MAP4K4: variants seen among roughly 807,000 people sequenced by gnomAD.
MAP4K4 encodes the protein mitogen-activated protein kinase kinase kinase kinase 4.
A neutral mutation model predicts 189.6 loss-of-function variants in MAP4K4; 38 were observed. The ratio of observed to expected loss-of-function variants is 0.20; its 90% CI spans 0.15 to 0.26. The LOEUF (loss-of-function observed/expected upper bound fraction) is 0.26. Among genes scored for constraint, MAP4K4 ranks in the 10% least tolerant of loss-of-function variants. The pLI, the probability that MAP4K4 is intolerant of heterozygous loss-of-function variation, is 1.00. For synonymous variants in MAP4K4, 610 were observed against 624.3 expected, an observed-to-expected ratio of 0.98 and a Z score of 0.34; for missense variants, 1,054 against 1,726.9, an observed-to-expected ratio of 0.61 and a Z score of 6.91.
At chr2:101,730,048 G>A (rs1472273007) in intron 2 of MAP4K4, among the ~76,000 whole-genome samples, 1 of 152,212 alleles carries the variant, frequency 6.6e-6, no homozygotes, top group Non-Finnish European at 1.5e-5. Flanking sequence ...GGCAGCTAGA[G>A]TTAGTCCAGG....
intron 3 of MAP4K4, chr2:101,797,375 G>A (rs1366428562): frequency 2.0e-5 from 26 of 1,290,596 alleles, no homozygotes; most frequent in Non-Finnish European, 2.6e-5. Flanking sequence ...ATCATTCAAC[G>A]TTGTCAGGGT....
intron 12 of MAP4K4, among the ~76,000 whole-genome samples, chr2:101,845,925 C>G (rs2097095728): frequency 6.6e-6 from 1 of 152,166 alleles, no homozygotes; most frequent in Non-Finnish European, 1.5e-5. Context: ...TATTAAGTAG[C>G]AACACATGCT....
intron 2 of MAP4K4, 53 bp downstream of exon 2, chr2:101,698,591 G>C (rs537776902): frequency 2.5e-5 from 39 of 1,551,450 alleles, no homozygotes; most frequent in Admixed American, 5.0e-5. Context: ...CTTCTTATTG[G>C]GGGACGAGGA....
At chr2:101,870,961 T>C (rs1363034983) in intron 23 of MAP4K4, among the ~76,000 whole-genome samples, 2 of 152,252 alleles carry the variant, frequency 1.3e-5, no homozygotes, top group African/African-American at 2.4e-5. Flanking sequence ...CACCCAGATA[T>C]GCTCAGTTTG....
intron 32 of MAP4K4, among the ~76,000 whole-genome samples, chr2:101,889,352 G>T (rs1162320399): frequency 6.6e-6 from 1 of 152,138 alleles, no homozygotes; most frequent in Non-Finnish European, 1.5e-5. Context: ...GTTAGTCTGT[G>T]AGTGGTGAAA....
intron 2 of MAP4K4, among the ~76,000 whole-genome samples, chr2:101,730,769 C>G (rs1207044558): frequency 1.3e-5 from 2 of 152,012 alleles, no homozygotes; most frequent in Admixed American, 1.3e-4. Flanking sequence ...GAATAGTGGC[C>G]GGGTGTGGTG....
chr2:101,721,961 T>A (rs2052414780), intron 2 of MAP4K4, among the ~76,000 whole-genome samples: 1 of 152,186 alleles, frequency 6.6e-6, no homozygotes, highest in East Asian at 1.9e-4. Flanking sequence ...TTTGGCTAGT[T>A]GTATTCCCTA....
intron 12 of MAP4K4, among the ~76,000 whole-genome samples, chr2:101,847,714 T>G (rs1392152134): frequency 6.6e-6 from 1 of 152,194 alleles, no homozygotes; most frequent in Non-Finnish European, 1.5e-5. Context: ...AAAAATTACA[T>G]TAAGATTAAT....
At chr2:101,745,971 T>TG (rs2065310770) in intron 2 of MAP4K4, among the ~76,000 whole-genome samples, 6 of 93,870 alleles carry the variant, frequency 6.4e-5, no homozygotes, top group African/African-American at 2.1e-4. Context: ...TCCTGTTTCC[T>TG]TTGTGTGTGT....
intron 21 of MAP4K4, 103 bp downstream of exon 21, chr2:101,868,140 T>C: frequency 7.9e-7 from 1 of 1,263,012 alleles, no homozygotes; most frequent in Non-Finnish European, 1.1e-6. Flanking sequence ...TCAACTTGAC[T>C]TCTTGTTCTT....
chr2:101,844,491 C>A (rs1050071633), intron 12 of MAP4K4, among the ~76,000 whole-genome samples, 180 bp downstream of exon 12: 1 of 152,208 alleles, frequency 6.6e-6, no homozygotes, highest in Admixed American at 6.5e-5. Flanking sequence ...CCTTCACATT[C>A]CTTGAGGCCT....
intron 8 of MAP4K4, among the ~76,000 whole-genome samples, 160 bp downstream of exon 8, chr2:101,834,623 A>T (rs2149463810): frequency 6.6e-6 from 1 of 152,350 alleles, no homozygotes; most frequent in Middle Eastern, 3.4e-3. Context: ...ATGTAGAAGG[A>T]ATTCTTGGCA....
chr2:101,873,500 G>A (rs1018843151), intron 24 of MAP4K4, 147 bp from the exon 25 acceptor site: 12 of 548,778 alleles, frequency 2.2e-5, no homozygotes, highest in Middle Eastern at 5.2e-4. Flanking sequence ...GAAGCTCCCC[G>A]CAGAGCATTT....
At chr2:101,814,869 A>G (rs1168493623) in intron 3 of MAP4K4, among the ~76,000 whole-genome samples, 2 of 152,232 alleles carry the variant, frequency 1.3e-5, no homozygotes, top group Non-Finnish European at 2.9e-5. Context: ...GACAGGAAGA[A>G]TGAGGGAAAA....
At chr2:101,873,788 GC>G in intron 25 of MAP4K4, 24 bp downstream of exon 25, 1 of 1,502,384 alleles carries the variant, frequency 6.7e-7, no homozygotes, top group Non-Finnish European at 9.2e-7. Flanking sequence ...CAACAAGAAA[GC>G]AGCTGACAAA....
chr2:101,744,434 C>T (rs191213999), intron 2 of MAP4K4, among the ~76,000 whole-genome samples: 4 of 152,246 alleles, frequency 2.6e-5, no homozygotes, highest in Non-Finnish European at 5.9e-5. Context: ...TCTCGAAGTC[C>T]GACAGAGCAG....
chr2:101,758,807 A>ACAT (rs2074239135), intron 2 of MAP4K4, among the ~76,000 whole-genome samples: 1 of 152,198 alleles, frequency 6.6e-6, no homozygotes, highest in Non-Finnish European at 1.5e-5. Flanking sequence ...AGTTAAAATG[A>ACAT]AAGTGATCTC....
chr2:101,808,344 T>C (rs2149099915), intron 3 of MAP4K4, among the ~76,000 whole-genome samples: 2 of 152,322 alleles, frequency 1.3e-5, no homozygotes, highest in South Asian at 4.1e-4. Flanking sequence ...TGTGGGCAGC[T>C]CCTGGCTCTT....
intron 2 of MAP4K4, among the ~76,000 whole-genome samples, chr2:101,745,972 TTGTGTGTGTGTGTGTGTGTGTG>T (rs5832985): frequency 6.8e-6 from 1 of 146,496 alleles, no homozygotes; most frequent in Non-Finnish European, 1.5e-5. Context: ...CCTGTTTCCT[TTGTGTGTGTGTGTGTGTGTGTG>T]TGTGTGTGTG....
Sources: gnomAD v4.1 joint callset for allele counts (sites outside exome capture counted in the v4.1 genomes callset) on GRCh38, gnomAD v4.1.1 for gene constraint, MANE v1.5 for transcripts, NCBI Gene and HGNC (gene_info 2026-07-23, HGNC 2026-07-21) for gene names.